CSMD1: variants seen among roughly 807,000 people sequenced by gnomAD.
CSMD1 encodes the protein CUB and Sushi multiple domains 1.
A neutral mutation model predicts 417.5 loss-of-function variants in CSMD1; 213 were observed. That is an observed-to-expected ratio of 0.51 (90% CI 0.46 to 0.57). The LOEUF is 0.57. CSMD1 is among the 20% of genes least tolerant of loss of function. The probability of loss-of-function intolerance (pLI) is 0.00; values close to 1 mark genes in which losing one functional copy is unlikely to be tolerated. For missense variants in CSMD1, 6,923 were observed against 4,529.7 expected, an observed-to-expected ratio of 1.53 and a Z score of -15.17; for synonymous variants, 2,862 against 1,736.8, an observed-to-expected ratio of 1.65 and a Z score of -16.11.
At position 3,432,712 on chromosome 8, in the gene CSMD1, C is replaced by T. The variant is rs552973360; in HGVS notation, c.1562-23107G>A. 2.6e-5 allele frequency among the ~76,000 whole-genome samples: 4 copies of T among 152,186 alleles called. No individual in the cohort carries two copies. The East Asian group carries it at 5.8e-4, about 22-fold the overall frequency. On this transcript the variant is annotated intron_variant, in intron 12 of 69. Transcript: ENST00000635120. ...TGTATTTTTAGTACAGATGGGGTTT[C>T]ACCATGTTGGCCAGGATGGTCTTGC...
At chr8:3,554,175 A>T (rs1799039936) in intron 10 of CSMD1, among the ~76,000 whole-genome samples, 1 of 152,254 alleles carries the variant, frequency 6.6e-6, no homozygotes, top group African/African-American at 2.4e-5. Flanking sequence ...GACAAGAAGA[A>T]GTTTTTAATG....
chr8:4,883,442 T>C (rs941077224), intron 1 of CSMD1, among the ~76,000 whole-genome samples: 2 of 152,132 alleles, frequency 1.3e-5, no homozygotes, highest in African/African-American at 2.4e-5. Context: ...TGAACATTTT[T>C]ATCATCCCAA....
chr8:4,159,213 G>C (rs1237083672), intron 3 of CSMD1, among the ~76,000 whole-genome samples: 1 of 152,108 alleles, frequency 6.6e-6, no homozygotes, highest in East Asian at 1.9e-4. Flanking sequence ...ACCGTGCCCA[G>C]CCCGTAATTC....
intron 54 of CSMD1, among the ~76,000 whole-genome samples, chr8:2,980,351 C>T (rs1213361323): frequency 6.6e-6 from 1 of 151,738 alleles, no homozygotes; most frequent in Non-Finnish European, 1.5e-5. Flanking sequence ...TCCATTTCCT[C>T]CTCCACCTCT....
chr8:4,994,660 G>A lies in CSMD1; in HGVS notation c.-244C>T. The A allele has an allele frequency of 2.3e-6, 1 of 437,114 alleles. No individual in the cohort carries two copies. The highest frequency in any genetic ancestry group is 4.1e-6 in the Non-Finnish European group (1 of 245,720). 27.1% of individuals were successfully genotyped at this position (437,114 alleles called of 1,614,324 possible). On this transcript the variant is annotated 5_prime_UTR_variant, in exon 1 of 70. Coordinates refer to ENST00000635120, the MANE Select transcript of CSMD1 (RefSeq NM_033225.6). ...GAGCGCGGAGACCCGGGCTGGCGGG[G>A]CCGGGGCCGGGGACGAGCGCCGGCC... is the stretch of plus-strand genomic sequence containing the variant.
chr8:4,379,925 C>T (rs960838669), intron 3 of CSMD1, among the ~76,000 whole-genome samples: 5 of 152,150 alleles, frequency 3.3e-5, no homozygotes, highest in Admixed American at 1.3e-4. Context: ...TCCATGAGCG[C>T]GGCCAGCATA....
intron 26 of CSMD1, among the ~76,000 whole-genome samples, chr8:3,262,473 C>T (rs955393760): frequency 3.3e-5 from 5 of 150,848 alleles, no homozygotes; most frequent in African/African-American, 1.2e-4. Flanking sequence ...AGAAAGTGTC[C>T]TTTCCAGTTA....
intron 1 of CSMD1, among the ~76,000 whole-genome samples, chr8:4,834,983 AAGAAAGAAAGAAAG>A (rs1800385653): frequency 3.0e-5 from 1 of 32,870 alleles, no homozygotes; most frequent in African/African-American, 5.3e-5. Context: ...AAAAAAAAGA[AAGAAAGAAAGAAAG>A]AAAGAAAGAA....
intron 2 of CSMD1, among the ~76,000 whole-genome samples, chr8:4,497,029 A>T (rs1802011801): frequency 6.6e-6 from 1 of 152,020 alleles, no homozygotes; most frequent in Non-Finnish European, 1.5e-5. Context: ...AAAATAAAAT[A>T]CCCATTTCCT....
intron 18 of CSMD1, among the ~76,000 whole-genome samples, chr8:3,382,686 T>C (rs1474756806): frequency 6.7e-6 from 1 of 150,358 alleles, no homozygotes; most frequent in East Asian, 1.9e-4. Context: ...CATTTTCTCA[T>C]AGATCTGTTG....
rs1810561025 is a variant in CSMD1, at chr8:4,740,908, C to T, written c.86-103350G>A. Among the ~76,000 whole-genome samples, 3 of 152,116 alleles carry T rather than the reference C, an allele frequency of 2.0e-5. No homozygotes were observed. The South Asian group carries it at 6.2e-4, about 32-fold the overall frequency. On this transcript the variant is annotated intron_variant, in intron 1 of 69. Coordinates refer to ENST00000635120, the MANE Select transcript of CSMD1 (RefSeq NM_033225.6). ...CTTTTTTCCACAACAGCTAACTTTC[C>T]TGACTTTAAAGTTTCAAAACAAAAA... is the stretch of plus-strand genomic sequence containing the variant.
intron 36 of CSMD1, chr8:3,183,152 T>C (rs1284043600): frequency 6.7e-6 from 1 of 149,350 alleles, no homozygotes; most frequent in Non-Finnish European, 1.5e-5. Context: ...CTAATCTATC[T>C]ATCCCTGAAA....
chr8:4,467,986 T>TC (rs1446094263), intron 2 of CSMD1, among the ~76,000 whole-genome samples: 6 of 152,196 alleles, frequency 3.9e-5, no homozygotes, highest in East Asian at 1.9e-4. Context: ...AAGGACCCTG[T>TC]CCTAAGCTGT....
At chr8:4,568,454 CT>C (rs1411492887) in intron 2 of CSMD1, among the ~76,000 whole-genome samples, 33 of 152,192 alleles carry the variant, frequency 2.2e-4, no homozygotes, top group African/African-American at 6.7e-4. Flanking sequence ...TGAACTCATT[CT>C]TTTTTTATGG....
intron 12 of CSMD1, among the ~76,000 whole-genome samples, chr8:3,451,475 C>T (rs1237512452): frequency 6.6e-6 from 1 of 152,156 alleles, no homozygotes; most frequent in African/African-American, 2.4e-5. Context: ...TCCAATTCAT[C>T]TTGAATTAAT....
intron 10 of CSMD1, among the ~76,000 whole-genome samples, chr8:3,509,277 G>C (rs1028107725): frequency 6.6e-6 from 1 of 152,144 alleles, no homozygotes; most frequent in African/African-American, 2.4e-5. Context: ...CATGGACAAT[G>C]ACTAAAAAAT....
chr8:3,222,411 A>G (rs934958403), intron 28 of CSMD1, among the ~76,000 whole-genome samples: 2 of 152,024 alleles, frequency 1.3e-5, no homozygotes, highest in Non-Finnish European at 2.9e-5. Flanking sequence ...CTGGGCTCCA[A>G]CAGTCCTCCT....
intron 1 of CSMD1, among the ~76,000 whole-genome samples, chr8:4,792,682 G>T (rs991565117): frequency 6.6e-6 from 1 of 152,084 alleles, no homozygotes; most frequent in Non-Finnish European, 1.5e-5. Flanking sequence ...TAATCAATGG[G>T]TCCAGAACCA....
chr8:4,002,368 G>A (rs1041718736), intron 4 of CSMD1, among the ~76,000 whole-genome samples: 1 of 152,096 alleles, frequency 6.6e-6, no homozygotes, highest in African/African-American at 2.4e-5. Flanking sequence ...TTTCTAAACA[G>A]CAACATTTTA....
Sources: allele counts gnomAD v4.1 joint callset (sites outside exome capture counted in the v4.1 genomes callset), GRCh38; gene constraint gnomAD v4.1.1; transcripts MANE v1.5; gene names NCBI Gene and HGNC (gene_info 2026-07-23, HGNC 2026-07-21).